The following FLI1 variants were observed in gnomAD, a reference collection of about 807,000 sequenced individuals.
FLI1 encodes Friend leukemia integration 1 transcription factor.
Under a neutral mutation model 53.1 loss-of-function variants are expected in FLI1, and 13 were observed. That is an observed-to-expected ratio of 0.24 (90% CI 0.16 to 0.39). The LOEUF (loss-of-function observed/expected upper bound fraction) is 0.39, where lower values mean the gene tolerates loss of function less well. Among genes scored for constraint, FLI1 ranks in the 10% least tolerant of loss-of-function variants. The pLI, the probability that FLI1 is intolerant of heterozygous loss-of-function variation, is 1.00. For synonymous variants in FLI1, 244 were observed against 236.7 expected (o/e 1.03, Z -0.28); for missense variants, 424 against 600.5 (o/e 0.71, Z 3.07).
chr11:128,769,116 T>C (rs1416126472), intron 3 of FLI1, among the ~76,000 whole-genome samples: 1 of 152,240 alleles, frequency 6.6e-6, no homozygotes, highest in Non-Finnish European at 1.5e-5. Context: ...AAATAGCCTC[T>C]TTTTCCTAGG....
intron 2 of FLI1, among the ~76,000 whole-genome samples, chr11:128,761,878 G>A (rs1941135148): frequency 6.6e-6 from 1 of 152,060 alleles, no homozygotes; most frequent in South Asian, 2.1e-4. Context: ...TGAGTTGCTT[G>A]TCTTGACCCA....
At position 128,694,130 on chromosome 11, in the gene FLI1, A is replaced by G; in HGVS notation, c.-129A>G. 3 of 941,630 alleles carry G rather than the reference A, an allele frequency of 3.2e-6. No individual in the cohort carries two copies. The highest frequency in any genetic ancestry group is 4.0e-5 in the South Asian group (2 of 50,064). The allele number at this position is 941,630 out of a possible 1,614,324, so 58.3% of individuals were successfully genotyped here. On this transcript the variant is annotated 5_prime_UTR_variant, in exon 1 of 9. Coordinates refer to ENST00000527786, the MANE Select transcript of FLI1 (RefSeq NM_002017.5). ...AGGGGAGTGAGGGCAGGGCGCTCGC[A>G]GGGGGCACGCAGGGAGGGCCCAGGG...
At chr11:128,741,143 C>T (rs1940118562) in intron 1 of FLI1, among the ~76,000 whole-genome samples, 1 of 152,176 alleles carries the variant, frequency 6.6e-6, no homozygotes, top group African/African-American at 2.4e-5. Flanking sequence ...CTTATAATCC[C>T]AGCACTTTGG....
chr11:128,770,691 C>G (rs554590888), intron 3 of FLI1, among the ~76,000 whole-genome samples: 1 of 152,132 alleles, frequency 6.6e-6, no homozygotes, highest in Non-Finnish European at 1.5e-5. Context: ...GAATTTGAGG[C>G]CTTGGATACT....
intron 8 of FLI1, among the ~76,000 whole-genome samples, chr11:128,809,540 T>C (rs1295891173): frequency 6.6e-6 from 1 of 152,190 alleles, no homozygotes; most frequent in Non-Finnish European, 1.5e-5. Context: ...TCCACTCAGC[T>C]CTCAGTTGTC....
chr11:128,804,951 C>T (rs1029180742), intron 5 of FLI1: 4 of 156,776 alleles, frequency 2.6e-5, no homozygotes, highest in Middle Eastern at 2.9e-3. Context: ...ATTTGTAGAA[C>T]GCTTCATAAG....
intron 1 of FLI1, among the ~76,000 whole-genome samples, chr11:128,709,145 CT>C (rs1187800320): frequency 1.3e-5 from 2 of 152,224 alleles, no homozygotes; most frequent in Non-Finnish European, 2.9e-5. Context: ...CTCCAATCTC[CT>C]TTCCTACCTG....
At chr11:128,696,939 A>G (rs1417647658) in intron 1 of FLI1, among the ~76,000 whole-genome samples, 1 of 152,210 alleles carries the variant, frequency 6.6e-6, no homozygotes, top group Non-Finnish European at 1.5e-5. Flanking sequence ...ATGTGATTAC[A>G]AAATCCCAAT....
Position 128,787,076 on chromosome 11 carries a change from C to A in FLI1, c.655+5053C>A, listed in dbSNP as rs553943239. On this transcript the variant is annotated intron_variant, in intron 5 of 8. Transcript: ENST00000527786. ...ATGGAAAAGAGAGGGGAGAAACTAC[C>A]TTTCTGTGTCCCTTAGAGTGAAATG... Among the ~76,000 whole-genome samples the A allele has an allele frequency of 2.5e-4, 38 of 152,316 alleles. 1 individual carries two copies. Among genetic ancestry groups the A allele is most frequent in the African/African-American group, 7.5e-4 (31 of 41,568 alleles).
At chr11:128,788,144 G>T (rs752137312) in intron 5 of FLI1, among the ~76,000 whole-genome samples, 7 of 152,024 alleles carry the variant, frequency 4.6e-5, no homozygotes, top group Non-Finnish European at 5.9e-5. Context: ...GGTCGTGAAG[G>T]ATACTATACA....
chr11:128,710,599 G>A (rs903216978), intron 1 of FLI1, among the ~76,000 whole-genome samples: 4 of 152,078 alleles, frequency 2.6e-5, no homozygotes, highest in African/African-American at 9.7e-5. Context: ...AGATTAGAGA[G>A]CATCTCAAAT....
chr11:128,776,392 G>C (rs1300808985), intron 4 of FLI1, among the ~76,000 whole-genome samples: 2 of 152,324 alleles, frequency 1.3e-5, no homozygotes, highest in East Asian at 1.9e-4. Context: ...GTTTACACCT[G>C]TCAATCCCAG....
chr11:128,779,150 C>T (rs903899581), intron 4 of FLI1, among the ~76,000 whole-genome samples: 16 of 152,180 alleles, frequency 1.1e-4, no homozygotes, highest in African/African-American at 3.4e-4. Flanking sequence ...TTCATGTGTG[C>T]CCAAAGAAGA....
At chr11:128,777,693 T>A (rs1165220030) in intron 4 of FLI1, among the ~76,000 whole-genome samples, 1 of 152,240 alleles carries the variant, frequency 6.6e-6, no homozygotes, top group East Asian at 1.9e-4. Context: ...CTCCCGCTCC[T>A]GCACACTCAG....
At chr11:128,794,236 A>G (rs983577031) in intron 5 of FLI1, among the ~76,000 whole-genome samples, 1 of 152,178 alleles carries the variant, frequency 6.6e-6, no homozygotes, top group African/African-American at 2.4e-5. Context: ...TTGGCCATTT[A>G]GAGGAGAAGG....
At chr11:128,764,686 C>T in intron 2 of FLI1, 1 of 1,539,802 alleles carries the variant, frequency 6.5e-7, no homozygotes, top group Non-Finnish European at 8.7e-7. Context: ...GCCTTTTATG[C>T]TGGGCTTCAC....
chr11:128,802,494 CT>C (rs1416639869), intron 5 of FLI1, among the ~76,000 whole-genome samples: 8 of 152,218 alleles, frequency 5.3e-5, no homozygotes, highest in Non-Finnish European at 8.8e-5. Context: ...AAGACACCAG[CT>C]TAGGGCATGG....
At chr11:128,765,597 C>A (rs1941309216) in intron 2 of FLI1, among the ~76,000 whole-genome samples, 1 of 152,220 alleles carries the variant, frequency 6.6e-6, no homozygotes, top group Admixed American at 6.5e-5. Flanking sequence ...TCTGGGGGTC[C>A]TCCAAGGGAA....
chr11:128,701,566 A>G (rs542862460), intron 1 of FLI1, among the ~76,000 whole-genome samples: 1 of 152,352 alleles, frequency 6.6e-6, no homozygotes, highest in South Asian at 2.1e-4. Flanking sequence ...AAAATTGCTC[A>G]TCCCTACAAA....
Sources: allele counts gnomAD v4.1 joint callset (sites outside exome capture counted in the v4.1 genomes callset), GRCh38; gene constraint gnomAD v4.1.1; transcripts MANE v1.5; gene names NCBI Gene and HGNC (gene_info 2026-07-23, HGNC 2026-07-21).